The following TAS2R1 variants were observed in gnomAD, a reference collection of about 807,000 sequenced individuals.
TAS2R1 encodes taste 2 receptor member 1.
For missense variants in TAS2R1, 370 were observed against 353.4 expected (o/e 1.05, Z -0.38); for synonymous variants, 141 against 134.2 (o/e 1.05, Z -0.35).
the TAS2R1 span, among the ~76,000 whole-genome samples, chr5:9,728,848 C>T: frequency 0.1 from 15,561 of 152,208 alleles, 1,006 homozygotes; most frequent in Middle Eastern, 0.15. Flanking sequence ...AAGAAGATTC[C>T]ATGGCATCTC....
the TAS2R1 span, among the ~76,000 whole-genome samples, chr5:9,898,023 G>T: frequency 6.6e-6 from 1 of 152,256 alleles, no homozygotes; most frequent in East Asian, 1.9e-4. Flanking sequence ...ACTCACTTCG[G>T]AATTCTAAGT....
At chr5:9,795,649 C>T in the TAS2R1 span, among the ~76,000 whole-genome samples, 12 of 152,182 alleles carry the variant, frequency 7.9e-5, no homozygotes, top group Non-Finnish European at 1.8e-4. Context: ...GGAACAATTT[C>T]CTTCGGCACA....
chr5:9,656,445 G>A (rs947259714), intron 2 of TAS2R1, among the ~76,000 whole-genome samples: 1 of 152,178 alleles, frequency 6.6e-6, no homozygotes, highest in African/African-American at 2.4e-5. Flanking sequence ...TGGAGACCAG[G>A]GCAGCCGATG....
chr5:9,811,989 C>T, the TAS2R1 span, among the ~76,000 whole-genome samples: 1 of 152,084 alleles, frequency 6.6e-6, no homozygotes, highest in East Asian at 1.9e-4. Context: ...AACTTCCTCC[C>T]CCCGCATTGC....
At chr5:9,648,699 G>T (rs758191144) in intron 2 of TAS2R1, among the ~76,000 whole-genome samples, 61 of 152,010 alleles carry the variant, frequency 4.0e-4, no homozygotes, top group Admixed American at 7.2e-4. Context: ...GGGGTGGGGG[G>T]TAGCTAGGGA....
the TAS2R1 span, among the ~76,000 whole-genome samples, chr5:9,740,130 G>C: frequency 6.6e-6 from 1 of 152,176 alleles, no homozygotes; most frequent in Non-Finnish European, 1.5e-5. Flanking sequence ...TATTTATTAA[G>C]TTTGCAAAAT....
At chr5:9,753,863 T>C in the TAS2R1 span, among the ~76,000 whole-genome samples, 1 of 152,212 alleles carries the variant, frequency 6.6e-6, no homozygotes, top group Non-Finnish European at 1.5e-5. Context: ...GTTGTAGATA[T>C]GCGGCATTAT....
chr5:9,813,201 G>A, the TAS2R1 span, among the ~76,000 whole-genome samples: 1 of 152,140 alleles, frequency 6.6e-6, no homozygotes, highest in Non-Finnish European at 1.5e-5. Flanking sequence ...GGAGAAGATG[G>A]TAACCTACAA....
At chr5:9,739,031 T>C in the TAS2R1 span, among the ~76,000 whole-genome samples, 1 of 152,228 alleles carries the variant, frequency 6.6e-6, no homozygotes, top group Admixed American at 6.5e-5. Context: ...ACATTTTCCC[T>C]AGTACCTGCC....
the TAS2R1 span, among the ~76,000 whole-genome samples, chr5:9,877,480 T>A: frequency 6.6e-6 from 1 of 152,162 alleles, no homozygotes. Context: ...CAATTCTTTA[T>A]ACTTTTTGAA....
the TAS2R1 span, among the ~76,000 whole-genome samples, chr5:9,771,310 G>A: frequency 1.3e-5 from 2 of 152,114 alleles, no homozygotes; most frequent in Non-Finnish European, 2.9e-5. Flanking sequence ...TTGATATGAT[G>A]TATCACACTG....
chr5:9,733,113 T>G, the TAS2R1 span, among the ~76,000 whole-genome samples: 1 of 152,238 alleles, frequency 6.6e-6, no homozygotes, highest in South Asian at 2.1e-4. Flanking sequence ...CTTGGATACA[T>G]TGACACATAA....
At chr5:9,873,957 AAAGAG>A in the TAS2R1 span, among the ~76,000 whole-genome samples, 1 of 149,508 alleles carries the variant, frequency 6.7e-6, no homozygotes, top group Non-Finnish European at 1.5e-5. Flanking sequence ...GACAGAAAGA[AAAGAG>A]AGAGAGAGAG....
At chr5:9,735,699 T>C in the TAS2R1 span, among the ~76,000 whole-genome samples, 1 of 152,228 alleles carries the variant, frequency 6.6e-6, no homozygotes, top group African/African-American at 2.4e-5. Flanking sequence ...CTGCTATTCA[T>C]AATAGTAAAT....
the TAS2R1 span, among the ~76,000 whole-genome samples, chr5:9,793,824 T>C: frequency 2.6e-5 from 4 of 152,078 alleles, no homozygotes; most frequent in Admixed American, 6.5e-5. Flanking sequence ...CCTGGAGAAG[T>C]GCTGGCACCC....
chr5:9,713,371 G>A (rs1734737185), upstream of TAS2R1, among the ~76,000 whole-genome samples: 1 of 152,154 alleles, frequency 6.6e-6, no homozygotes, highest in African/African-American at 2.4e-5. Flanking sequence ...GGGGGAAACA[G>A]AAGGATTTTC....
the TAS2R1 span, among the ~76,000 whole-genome samples, chr5:9,855,687 G>A: frequency 1.3e-5 from 2 of 152,236 alleles, no homozygotes; most frequent in Non-Finnish European, 2.9e-5. Context: ...TGAGCCATTT[G>A]AGTATAGCAT....
chr5:9,850,607 T>G, the TAS2R1 span, among the ~76,000 whole-genome samples: 8 of 152,218 alleles, frequency 5.3e-5, no homozygotes, highest in Non-Finnish European at 1.0e-4. Flanking sequence ...AACTGGCACA[T>G]GCTGGGCTCT....
intron 1 of TAS2R1, among the ~76,000 whole-genome samples, chr5:9,672,034 A>T (rs191580147): frequency 1.3e-5 from 2 of 152,168 alleles, no homozygotes; most frequent in African/African-American, 4.8e-5. Context: ...AAAACAAGCA[A>T]TAGGGGAAGG....
Sources: gnomAD v4.1 joint callset for allele counts (sites outside exome capture counted in the v4.1 genomes callset) on GRCh38, gnomAD v4.1.1 for gene constraint, MANE v1.5 for transcripts, NCBI Gene and HGNC (gene_info 2026-07-23, HGNC 2026-07-21) for gene names.